Variants in AGAP1 observed in about 807,000 individuals in gnomAD.
AGAP1 encodes the protein arf-GAP with GTPase, ANK repeat and PH domain-containing protein 1.
AGAP1 carries 29 observed loss-of-function variants against 105.3 expected under a neutral mutation model. The ratio of observed to expected loss-of-function variants is 0.28; its 90% CI spans 0.21 to 0.38. The LOEUF (loss-of-function observed/expected upper bound fraction) is 0.38, where lower values mean the gene tolerates loss of function less well. Ranked by LOEUF, AGAP1 falls within the 10% of genes least tolerant of loss-of-function variation. The pLI is 1.00. For missense variants in AGAP1, 998 were observed against 1,165.1 expected (o/e 0.86, Z 2.09); for synonymous variants, 509 against 485.9 (o/e 1.05, Z -0.63).
chr2:236,015,610 A>G (rs1576066659), intron 13 of AGAP1, among the ~76,000 whole-genome samples: 1 of 152,106 alleles, frequency 6.6e-6, no homozygotes. Context: ...GATGCCAGGC[A>G]AGGGAAAACC....
chr2:235,847,441 A>G (rs1220305650), intron 9 of AGAP1, among the ~76,000 whole-genome samples: 1 of 152,250 alleles, frequency 6.6e-6, no homozygotes, highest in African/African-American at 2.4e-5. Context: ...TATTAAATTC[A>G]TAAGTAATGT....
At chr2:235,670,681 C>T (rs960356408) in intron 1 of AGAP1, 2 of 692,780 alleles carry the variant, frequency 2.9e-6, no homozygotes, top group African/African-American at 1.9e-5. Context: ...CCGGGACCAC[C>T]CTGGAGCCCG....
chr2:235,846,350 A>C (rs1236915649), intron 9 of AGAP1, among the ~76,000 whole-genome samples: 1 of 152,014 alleles, frequency 6.6e-6, no homozygotes, highest in East Asian at 1.9e-4. Flanking sequence ...TATTGACAGA[A>C]TCTCACTCTG....
At chr2:236,011,090 TGAG>T (rs1411492455) in intron 13 of AGAP1, among the ~76,000 whole-genome samples, 1 of 152,218 alleles carries the variant, frequency 6.6e-6, no homozygotes, top group East Asian at 1.9e-4. Flanking sequence ...AGCATGATGA[TGAG>T]TTTTCCATGT....
At chr2:235,892,195 A>G (rs1023122036) in intron 10 of AGAP1, among the ~76,000 whole-genome samples, 1 of 151,636 alleles carries the variant, frequency 6.6e-6, no homozygotes, top group Non-Finnish European at 1.5e-5. Context: ...TCCATTCTGC[A>G]TGTGCCCACA....
intron 9 of AGAP1, among the ~76,000 whole-genome samples, chr2:235,869,448 AAAATT>A (rs1339624760): frequency 1.4e-5 from 2 of 145,562 alleles, no homozygotes; most frequent in African/African-American, 5.5e-5. Flanking sequence ...AAAAAAAAAA[AAAATT>A]AGCCGGGCGT....
At position 235,620,714 on chromosome 2, in the gene AGAP1, G is replaced by A. The variant is rs1348016122; in HGVS notation, c.164-88465G>A. ...CTCTCCCCACTGGATGGAATATAAG[G>A]GCTTGTGTTTGCCGTTTCCCCAGCA... On this transcript the variant is annotated intron_variant, in intron 1 of 17. Coordinates refer to ENST00000304032, the MANE Select transcript of AGAP1 (RefSeq NM_001037131.3). The surrounding 1 kb of genome is among the most constrained non-coding windows in gnomAD (Gnocchi z 4.5). 6.6e-6 allele frequency among the ~76,000 whole-genome samples: 1 copy of A among 152,180 alleles called. No individual in the cohort carries two copies. The highest frequency in any genetic ancestry group is 6.5e-5 in the Admixed American group (1 of 15,278).
intron 16 of AGAP1, among the ~76,000 whole-genome samples, chr2:236,052,087 A>G (rs1360261626): frequency 6.6e-6 from 1 of 152,174 alleles, no homozygotes; most frequent in African/African-American, 2.4e-5. Context: ...GATTGTTAGT[A>G]GAAACAGCTG....
rs183554845 is a variant in AGAP1, at chr2:235,792,308, C to T, written c.674-5451C>T. Among the ~76,000 whole-genome samples, 1 of 152,136 alleles carries T rather than the reference C, an allele frequency of 6.6e-6. No individual in the cohort carries two copies. The highest frequency in any genetic ancestry group is 1.5e-5 in the Non-Finnish European group (1 of 68,032). On this transcript the variant is annotated intron_variant, in intron 6 of 17. Coordinates refer to ENST00000304032, the MANE Select transcript of AGAP1 (RefSeq NM_001037131.3). The surrounding 1 kb of genome is among the most constrained non-coding windows in gnomAD (Gnocchi z 5.3). ...CCACCCTTCACGTGTCATCTGGTCC[C>T]CCACAAAGCTTTTGCATGGGGTTCA... is the stretch of plus-strand genomic sequence containing the variant.
At chr2:235,602,078 G>A (rs1351702296) in intron 1 of AGAP1, among the ~76,000 whole-genome samples, 1 of 152,214 alleles carries the variant, frequency 6.6e-6, no homozygotes. Flanking sequence ...GGGCCGCAGA[G>A]CAGGCACTGG....
At chr2:235,820,733 T>C (rs1369875302) in intron 9 of AGAP1, among the ~76,000 whole-genome samples, 1 of 152,136 alleles carries the variant, frequency 6.6e-6, no homozygotes, top group African/African-American at 2.4e-5. Flanking sequence ...GAGAGACGAG[T>C]AATGTGCCAA....
rs1320685732 is a variant in AGAP1 at position 235,906,447 on chromosome 2, A to T, written c.1156-2291A>T. On this transcript the variant is annotated intron_variant, in intron 10 of 17. Transcript: ENST00000304032. This position sits in a 1 kb window ranked among gnomAD's most constrained non-coding sequence, Gnocchi z 5.3. Reference sequence around the variant, plus strand: ...CAGGGGTCACCAGGGACCCTGAAACATCTTGTCCCTCTGGGGCTGATGTAG... The same window carrying T: ...CAGGGGTCACCAGGGACCCTGAAACTTCTTGTCCCTCTGGGGCTGATGTAG... 6.6e-6 allele frequency among the ~76,000 whole-genome samples: 1 copy of T among 152,104 alleles called. No homozygotes were observed. Among genetic ancestry groups the T allele is most frequent in the Non-Finnish European group, 1.5e-5 (1 of 68,026 alleles).
At chr2:235,924,009 G>A (rs1243840565) in intron 11 of AGAP1, among the ~76,000 whole-genome samples, 5 of 152,150 alleles carry the variant, frequency 3.3e-5, no homozygotes, top group Admixed American at 1.3e-4. Context: ...ATAAGAGCAC[G>A]TAAGCAAGCC....
At chr2:236,034,767 C>T (rs539673818) in intron 13 of AGAP1, among the ~76,000 whole-genome samples, 2 of 152,344 alleles carry the variant, frequency 1.3e-5, no homozygotes, top group African/African-American at 2.4e-5. Flanking sequence ...TCAGCACGTG[C>T]ATCACAGCAC....
rs2054733013 is a variant in AGAP1 at position 235,973,402 on chromosome 2, T to C, written c.1645+4779T>C. Among the ~76,000 whole-genome samples, 1 of 152,124 alleles carries C rather than the reference T, an allele frequency of 6.6e-6. No individual in the cohort carries two copies. The highest frequency in any genetic ancestry group is 6.5e-5 in the Admixed American group (1 of 15,276). Reference sequence around the variant, plus strand: ...TTGGGTTCTGAGGATTACCAGGAGATGTGTGGATGACAGAGCCCGTCGCTA... The same window carrying C: ...TTGGGTTCTGAGGATTACCAGGAGACGTGTGGATGACAGAGCCCGTCGCTA... On this transcript the variant is annotated intron_variant, in intron 13 of 17. Coordinates refer to ENST00000304032, the MANE Select transcript of AGAP1 (RefSeq NM_001037131.3). The surrounding 1 kb of genome is among the most constrained non-coding windows in gnomAD (Gnocchi z 4.7).
Position 235,887,044 on chromosome 2 carries a change from G to A in AGAP1, c.1155+3595G>A, listed in dbSNP as rs560074102. On this transcript the variant is annotated intron_variant, in intron 10 of 17. Coordinates refer to ENST00000304032, the MANE Select transcript of AGAP1 (RefSeq NM_001037131.3). The surrounding 1 kb of genome is among the most constrained non-coding windows in gnomAD (Gnocchi z 4.1). Reference sequence around the variant, plus strand: ...ATAAGAAACTTGAGAATGTGCAAATGTGTTGCTAGTTCAGGTCCCAAAATT... The same window carrying A: ...ATAAGAAACTTGAGAATGTGCAAATATGTTGCTAGTTCAGGTCCCAAAATT... Among the ~76,000 whole-genome samples the A allele has an allele frequency of 6.6e-6, 1 of 152,326 alleles. No homozygotes were observed. Among genetic ancestry groups the A allele is most frequent in the East Asian group, 1.9e-4 (1 of 5,188 alleles).
At chr2:235,925,411 G>C (rs2052399204) in intron 11 of AGAP1, among the ~76,000 whole-genome samples, 1 of 152,156 alleles carries the variant, frequency 6.6e-6, no homozygotes. Context: ...TGTGTGTTGA[G>C]GTGGTCCCTG....
At chr2:235,717,797 T>C (rs1296177083) in intron 3 of AGAP1, among the ~76,000 whole-genome samples, 153 bp downstream of exon 3, 1 of 152,264 alleles carries the variant, frequency 6.6e-6, no homozygotes, top group Non-Finnish European at 1.5e-5. Context: ...TGGTTTCTTC[T>C]GTAGTATTTT....
chr2:235,790,212 G>C (rs1423688777), intron 6 of AGAP1, among the ~76,000 whole-genome samples: 12 of 152,266 alleles, frequency 7.9e-5, no homozygotes, highest in African/African-American at 2.9e-4. Context: ...GAAATTTTCG[G>C]AGTTTAGCTA....
Sources: gnomAD v4.1 joint callset for allele counts (sites outside exome capture counted in the v4.1 genomes callset) on GRCh38, gnomAD v4.1.1 for gene constraint, Gnocchi (gnomAD v3.1) non-coding constraint, MANE v1.5 for transcripts, NCBI Gene and HGNC (gene_info 2026-07-23, HGNC 2026-07-21) for gene names.